MICU2: variants seen among roughly 807,000 people sequenced by gnomAD.
MICU2 encodes mitochondrial calcium uptake 2.
A neutral mutation model predicts 60.4 loss-of-function variants in MICU2; 64 were observed. That is an observed-to-expected ratio of 1.06 (90% confidence interval 0.87 to 1.31). MICU2 has a LOEUF of 1.31. Ranked by LOEUF, MICU2 falls within the 50% of genes most tolerant of loss-of-function variation. The probability of loss-of-function intolerance (pLI) is 0.00; values close to 1 mark genes in which losing one functional copy is unlikely to be tolerated. For missense variants in MICU2, 569 were observed against 531.0 expected, an observed-to-expected ratio of 1.07 and a Z score of -0.70; for synonymous variants, 201 against 175.0, an observed-to-expected ratio of 1.15 and a Z score of -1.17.
chr13:21,589,798 T>C lies in MICU2; in HGVS notation c.210+14141A>G, dbSNP rs9550749. On this transcript the variant is annotated intron_variant, in intron 1 of 11. Transcript: ENST00000382374. ...ACCACTCACCCCGTAGTGCACTCTC[T>C]TTAAATTACCCAATTGAAATTAGTT... 6.0e-3 allele frequency among the ~76,000 whole-genome samples: 915 copies of C among 152,220 alleles called. 8 individuals are homozygous for C. The highest frequency in any genetic ancestry group is 0.032 in the East Asian group (166 of 5,172).
chr13:21,581,963 A>C (rs1335996754), intron 1 of MICU2, among the ~76,000 whole-genome samples: 1 of 152,250 alleles, frequency 6.6e-6, no homozygotes, highest in Non-Finnish European at 1.5e-5. Flanking sequence ...TTACATGCAT[A>C]TCTGCATAAT....
chr13:21,569,875 G>T (rs1195564548), intron 1 of MICU2, among the ~76,000 whole-genome samples: 1 of 150,224 alleles, frequency 6.7e-6, no homozygotes, highest in East Asian at 1.9e-4. Flanking sequence ...TGCCTAGATT[G>T]TAAGTGATAG....
chr13:21,505,414 G>A (rs1371482299), intron 8 of MICU2, among the ~76,000 whole-genome samples: 1 of 152,060 alleles, frequency 6.6e-6, no homozygotes, highest in Admixed American at 6.6e-5. Flanking sequence ...AGAACAATAC[G>A]TAGTAGGTTG....
chr13:21,557,311 A>G (rs1455857746), intron 2 of MICU2, among the ~76,000 whole-genome samples: 3 of 152,204 alleles, frequency 2.0e-5, no homozygotes, highest in African/African-American at 7.2e-5. Context: ...ATAAGGCTAA[A>G]GAAATTCAGT....
At chr13:21,547,947 C>T (rs974806338) in intron 2 of MICU2, among the ~76,000 whole-genome samples, 6 of 152,026 alleles carry the variant, frequency 3.9e-5, no homozygotes, top group African/African-American at 1.5e-4. Flanking sequence ...AATCAGTGTT[C>T]AGGGAACAAG....
intron 1 of MICU2, among the ~76,000 whole-genome samples, chr13:21,570,352 T>C (rs1231928330): frequency 6.6e-6 from 1 of 152,228 alleles, no homozygotes; most frequent in East Asian, 1.9e-4. Context: ...GTGCAGTGTA[T>C]ATTTATGCTT....
Position 21,496,103 on chromosome 13 carries a change from A to T in MICU2, c.991T>A (p.Phe331Ile). The stretch of plus-strand genomic sequence containing the variant: ...CTGAACATCTGCATGGCAATAGCAA[A>T]GTCTTCCAAGTGGGTTGTAAAATGG... ...FCHFTTHLEDFAIAMQMFSLA... is the reference protein window; with the variant it reads ...FCHFTTHLEDIAIAMQMFSLA... Residue 331 changes from phenylalanine to isoleucine, a missense_variant, in exon 10 of 12, where the codon TTT (phenylalanine) becomes ATT (isoleucine). Transcript: ENST00000382374. 1 of 1,614,160 alleles carries T rather than the reference A, an allele frequency of 6.2e-7. No homozygotes were observed. The highest frequency in any genetic ancestry group is 8.5e-7 in the Non-Finnish European group (1 of 1,180,008).
At chr13:21,530,633 C>A in intron 4 of MICU2, 1 of 293,602 alleles carries the variant, frequency 3.4e-6, no homozygotes, top group Non-Finnish European at 6.3e-6. Flanking sequence ...AGATTATCTA[C>A]TATGTCTCTC....
chr13:21,601,570 C>T (rs186516977), intron 1 of MICU2, among the ~76,000 whole-genome samples: 2 of 151,928 alleles, frequency 1.3e-5, no homozygotes, highest in Admixed American at 1.3e-4. Context: ...AATAACTACA[C>T]TAGTGTGAAG....
At position 21,510,022 on chromosome 13, in the gene MICU2, T is replaced by G. The variant is rs778238875; in HGVS notation, c.743A>C (p.His248Pro). The stretch of plus-strand genomic sequence containing the variant: ...CATTTACCTTCGAAATTCTTTATAA[T>G]GAAGTTTTCTTTGTCCTCTTTTTCC... ...FFGKRGQRKL[H>P]YKEFRRFMEN... The change falls in exon 8 of 12, where the codon CAT becomes CCT. Residue 248 changes from histidine to proline, a missense_variant. Transcript: ENST00000382374. 4.1e-5 allele frequency: 63 copies of G among 1,537,666 alleles called. No individual in the cohort carries two copies. The highest frequency in any genetic ancestry group is 5.5e-5 in the Non-Finnish European group (63 of 1,149,530).
intron 2 of MICU2, among the ~76,000 whole-genome samples, chr13:21,549,983 C>T (rs902286611): frequency 2.6e-5 from 4 of 152,136 alleles, no homozygotes; most frequent in Non-Finnish European, 2.9e-5. Flanking sequence ...AAGCTAAAAT[C>T]ATGGTCTAAC....
chr13:21,585,172 C>A (rs985318737), intron 1 of MICU2, among the ~76,000 whole-genome samples: 9 of 152,160 alleles, frequency 5.9e-5, no homozygotes, highest in Non-Finnish European at 1.3e-4. Context: ...CAGGGTATAA[C>A]TTTGTCATCT....
At chr13:21,582,320 A>G (rs1888365145) in intron 1 of MICU2, among the ~76,000 whole-genome samples, 1 of 152,222 alleles carries the variant, frequency 6.6e-6, no homozygotes, top group East Asian at 1.9e-4. Flanking sequence ...AACAGTAACT[A>G]GTCTTCTCAA....
At chr13:21,509,377 G>A (rs1168937981) in intron 8 of MICU2, among the ~76,000 whole-genome samples, 1 of 152,176 alleles carries the variant, frequency 6.6e-6, no homozygotes, top group Non-Finnish European at 1.5e-5. Context: ...ATTTGTTAAT[G>A]TACTGTTTAT....
chr13:21,599,965 T>C (rs1441381821), intron 1 of MICU2, among the ~76,000 whole-genome samples: 2 of 152,256 alleles, frequency 1.3e-5, no homozygotes, highest in Non-Finnish European at 2.9e-5. Flanking sequence ...CTATAGCTTG[T>C]TGCCTACATT....
chr13:21,600,860 G>C (rs745579787), intron 1 of MICU2, among the ~76,000 whole-genome samples: 16 of 152,072 alleles, frequency 1.1e-4, no homozygotes, highest in Non-Finnish European at 1.9e-4. Context: ...GCAGTGGCAG[G>C]ATCTCGGCTC....
chr13:21,582,438 T>C (rs1888367363), intron 1 of MICU2, among the ~76,000 whole-genome samples: 1 of 152,184 alleles, frequency 6.6e-6, no homozygotes, highest in South Asian at 2.1e-4. Flanking sequence ...ACATAAGTAA[T>C]TTTTAAAAAA....
At chr13:21,570,483 G>C (rs1475438842) in intron 1 of MICU2, among the ~76,000 whole-genome samples, 1 of 152,192 alleles carries the variant, frequency 6.6e-6, no homozygotes, top group Non-Finnish European at 1.5e-5. Context: ...AGACTTGATA[G>C]ATTTAATGGT....
chr13:21,556,310 A>C (rs1315432348), intron 2 of MICU2, among the ~76,000 whole-genome samples: 1 of 151,994 alleles, frequency 6.6e-6, no homozygotes, highest in Admixed American at 6.6e-5. Context: ...TCTTTACTTA[A>C]ATTTCACAAC....
Sources: gnomAD v4.1 joint callset for allele counts (sites outside exome capture counted in the v4.1 genomes callset) on GRCh38, gnomAD v4.1.1 for gene constraint, MANE v1.5 for transcripts, NCBI Gene and HGNC (gene_info 2026-07-23, HGNC 2026-07-21) for gene names.